The following NBEA variants were observed in gnomAD, a reference collection of about 807,000 sequenced individuals.
The protein encoded by NBEA is neurobeachin, also known as lysosomal-trafficking regulator 2.
A neutral mutation model predicts 343.4 loss-of-function variants in NBEA; 44 were observed. The observed-to-expected ratio is 0.13, with a 90% CI of 0.10 to 0.16. The LOEUF is 0.16. Among genes scored for constraint, NBEA ranks in the 10% least tolerant of loss-of-function variants. The pLI, the probability that NBEA is intolerant of heterozygous loss-of-function variation, is 1.00. For missense variants in NBEA, 2,555 were observed against 3,631.3 expected, an observed-to-expected ratio of 0.70 and a Z score of 7.62; for synonymous variants, 1,175 against 1,238.7, an observed-to-expected ratio of 0.95 and a Z score of 1.08.
At chr13:35,095,786 T>G (rs1321885827) in intron 10 of NBEA, among the ~76,000 whole-genome samples, 5 of 151,988 alleles carry the variant, frequency 3.3e-5, no homozygotes, top group African/African-American at 1.2e-4. Context: ...AATACTCCTA[T>G]GAAAATCTGT....
rs146504744 is a variant in NBEA at position 35,450,800 on chromosome 13, T to G, written c.6305-1292T>G. On this transcript the variant is annotated intron_variant, in intron 39 of 58. Coordinates refer to ENST00000379939, the MANE Select transcript of NBEA (RefSeq NM_001385012.1). ...CTATATCCTAATACAGAACACAGTA[T>G]ATGACAATGCTTTCTTCTAAATTGA... Among the ~76,000 whole-genome samples the G allele has an allele frequency of 3.3e-5, 5 of 152,338 alleles. No individual in the cohort carries two copies. In the East Asian group the frequency reaches 9.7e-4, roughly 29 times the overall value.
intron 41 of NBEA, among the ~76,000 whole-genome samples, chr13:35,524,441 G>T (rs1321456807): frequency 3.3e-5 from 5 of 152,116 alleles, no homozygotes; most frequent in Non-Finnish European, 1.5e-5. Flanking sequence ...GTACTTAGTA[G>T]AGTTTTCCAT....
chr13:34,983,602 C>T (rs1246218739), intron 1 of NBEA, among the ~76,000 whole-genome samples: 1 of 152,204 alleles, frequency 6.6e-6, no homozygotes, highest in Non-Finnish European at 1.5e-5. Flanking sequence ...GCCACACTGT[C>T]TTCCACAATG....
At chr13:35,071,011 A>ATT in intron 10 of NBEA, 159 bp downstream of exon 10, 1 of 638,532 alleles carries the variant, frequency 1.6e-6, no homozygotes, top group East Asian at 3.4e-5. Context: ...TATTTATACA[A>ATT]TAAATAAAGA....
At chr13:35,303,525 A>G (rs1476874148) in intron 35 of NBEA, among the ~76,000 whole-genome samples, 2 of 152,218 alleles carry the variant, frequency 1.3e-5, no homozygotes, top group Admixed American at 6.5e-5. Context: ...AGTAAAGTTT[A>G]CAGTCATGTT....
chr13:35,572,101 A>G (rs1324656939), intron 45 of NBEA, among the ~76,000 whole-genome samples: 1 of 152,208 alleles, frequency 6.6e-6, no homozygotes, highest in African/African-American at 2.4e-5. Flanking sequence ...CCTTTGACCT[A>G]TCTTTTCAAC....
At chr13:35,272,820 C>T (rs774009832) in intron 34 of NBEA, among the ~76,000 whole-genome samples, 2 of 152,178 alleles carry the variant, frequency 1.3e-5, no homozygotes, top group African/African-American at 2.4e-5. Context: ...TAAATATATA[C>T]GTGCCCAATA....
chr13:35,666,138 C>T (rs944226484), intron 56 of NBEA, among the ~76,000 whole-genome samples: 2 of 140,366 alleles, frequency 1.4e-5, no homozygotes, highest in African/African-American at 2.7e-5. Context: ...ATGGGAGGGG[C>T]CTGGGGCACA....
chr13:35,289,010 AC>A (rs1213698055), intron 34 of NBEA, among the ~76,000 whole-genome samples: 1 of 151,952 alleles, frequency 6.6e-6, no homozygotes, highest in African/African-American at 2.4e-5. Context: ...AAGATGGAAT[AC>A]TAGTACCTTT....
intron 36 of NBEA, among the ~76,000 whole-genome samples, chr13:35,321,535 T>TGCTGGGAGGTGTTTCCTTCAG: frequency 6.6e-6 from 1 of 152,200 alleles, no homozygotes; most frequent in Non-Finnish European, 1.5e-5. Flanking sequence ...TCTTGACCCC[T>TGCTGGGAGGTGTTTCCTTCAG]GCTGGGAGGT....
rs538217508 is a variant in NBEA at position 35,071,000 on chromosome 13, A to G, written c.1571+148A>G. ...AATTTTTTAGAACTAATGGAGATAG[A>G]TATTTATACAATAAATAAAGAAAAC... On this transcript the variant is annotated intron_variant, in intron 10 of 58. Coordinates refer to ENST00000379939, the MANE Select transcript of NBEA (RefSeq NM_001385012.1). 9.7e-4 allele frequency: 682 copies of G among 700,382 alleles called. No individual in the cohort carries two copies. Among genetic ancestry groups the G allele is most frequent in the Non-Finnish European group, 1.3e-3 (626 of 486,416 alleles). The allele number at this position is 700,382 out of a possible 1,614,324, so 43.4% of individuals were successfully genotyped here.
chr13:35,571,485 C>T (rs2080420363), intron 45 of NBEA, among the ~76,000 whole-genome samples: 1 of 152,034 alleles, frequency 6.6e-6, no homozygotes, highest in South Asian at 2.1e-4. Flanking sequence ...CTTGTTTTCT[C>T]ATCTTTAAAA....
intron 47 of NBEA, among the ~76,000 whole-genome samples, chr13:35,595,272 G>A (rs1332125253): frequency 6.6e-6 from 1 of 151,964 alleles, no homozygotes; most frequent in Non-Finnish European, 1.5e-5. Context: ...AGACCAATGT[G>A]GATATCACTA....
intron 36 of NBEA, among the ~76,000 whole-genome samples, chr13:35,313,615 A>T (rs1032638895): frequency 6.6e-6 from 1 of 152,184 alleles, no homozygotes. Flanking sequence ...CTGTGTGCTA[A>T]AGAAGCTGGG....
chr13:34,982,025 AAG>A (rs2060374206), intron 1 of NBEA, among the ~76,000 whole-genome samples: 1 of 151,830 alleles, frequency 6.6e-6, no homozygotes, highest in South Asian at 2.1e-4. Flanking sequence ...ATTTCAAAGA[AAG>A]AAATTTGGCT....
At chr13:35,069,863 T>A (rs1566237059) in intron 8 of NBEA, 45 bp from the exon 9 acceptor site, 5 of 1,352,146 alleles carry the variant, frequency 3.7e-6, no homozygotes, top group Non-Finnish European at 5.0e-6. Flanking sequence ...TTGAGTGTAA[T>A]TGTTGCTTTT....
intron 35 of NBEA, among the ~76,000 whole-genome samples, chr13:35,300,680 T>A (rs563623932): frequency 1.4e-4 from 22 of 152,200 alleles, no homozygotes; most frequent in Non-Finnish European, 1.5e-5. Flanking sequence ...AAATAGAAAT[T>A]TTTAGACCTG....
intron 1 of NBEA, among the ~76,000 whole-genome samples, chr13:35,000,941 A>G (rs2061113871): frequency 6.6e-6 from 1 of 152,072 alleles, no homozygotes; most frequent in Non-Finnish European, 1.5e-5. Context: ...CTTGGCAGCA[A>G]TGATAACATA....
At chr13:35,062,368 TG>T (rs1046253062) in intron 8 of NBEA, among the ~76,000 whole-genome samples, 3 of 151,650 alleles carry the variant, frequency 2.0e-5, no homozygotes, top group African/African-American at 7.3e-5. Context: ...TAGAGATGGA[TG>T]GGGCAATTTT....
Sources: gnomAD v4.1 joint callset for allele counts (sites outside exome capture counted in the v4.1 genomes callset) on GRCh38, gnomAD v4.1.1 for gene constraint, MANE v1.5 for transcripts, NCBI Gene and HGNC (gene_info 2026-07-23, HGNC 2026-07-21) for gene names.